Variants in FAM53B observed in about 807,000 individuals in gnomAD.
FAM53B encodes the protein family with sequence similarity 53 member B.
A neutral mutation model predicts 32.7 loss-of-function variants in FAM53B; 12 were observed. The observed-to-expected ratio is 0.37, with a 90% confidence interval of 0.24 to 0.59. FAM53B has a LOEUF of 0.59. Among genes scored for constraint, FAM53B ranks in the 20% least tolerant of loss-of-function variants. FAM53B has a pLI of 0.72. For synonymous variants in FAM53B, 234 were observed against 228.7 expected, an observed-to-expected ratio of 1.02 and a Z score of -0.21; for missense variants, 477 against 577.7, an observed-to-expected ratio of 0.83 and a Z score of 1.79.
intron 1 of FAM53B, among the ~76,000 whole-genome samples, chr10:124,718,421 G>A (rs778090668): frequency 1.3e-5 from 2 of 152,024 alleles, no homozygotes; most frequent in Non-Finnish European, 2.9e-5. Flanking sequence ...CCCCCACATC[G>A]CGCTGCAAGC....
chr10:124,734,820 G>A (rs1379364760), intron 1 of FAM53B, among the ~76,000 whole-genome samples: 1 of 152,212 alleles, frequency 6.6e-6, no homozygotes, highest in Non-Finnish European at 1.5e-5. Context: ...CCAGACTCAT[G>A]AGGCGCGATG....
chr10:124,683,589 G>C (rs1261106009), intron 3 of FAM53B, among the ~76,000 whole-genome samples: 1 of 152,186 alleles, frequency 6.6e-6, no homozygotes, highest in Non-Finnish European at 1.5e-5. Flanking sequence ...TCCTGGACCA[G>C]ATCAGGAGAC....
intron 1 of FAM53B, among the ~76,000 whole-genome samples, chr10:124,734,613 AGGACGCTCTAG>A (rs371472489): frequency 7.2e-5 from 11 of 152,334 alleles, no homozygotes; most frequent in African/African-American, 2.6e-4. Flanking sequence ...TCCTCTGGAA[AGGACGCTCTAG>A]GGCCAGCACC....
intron 4 of FAM53B, among the ~76,000 whole-genome samples, chr10:124,645,238 T>TCTCTCAG (rs1435594770): frequency 1.3e-5 from 2 of 152,252 alleles, no homozygotes; most frequent in Non-Finnish European, 2.9e-5. Flanking sequence ...TAAGACCGCC[T>TCTCTCAG]ATCTGCTCTC....
rs1949917543 is a variant in FAM53B, at chr10:124,702,033, A to C, written c.78+4603T>G. The stretch of plus-strand genomic sequence containing the variant: ...CCACGAGCTCCTCCTCCAGTGCCAC[A>C]TGACACCCAGGGTTGCGAGGACCCT... On this transcript the variant is annotated intron_variant, in intron 2 of 4. Coordinates refer to ENST00000337318, the MANE Select transcript of FAM53B (RefSeq NM_014661.4). Among the ~76,000 whole-genome samples, 5 of 152,170 alleles carry C rather than the reference A, an allele frequency of 3.3e-5. 1 individual carries two copies. In the South Asian group the frequency reaches 1.0e-3, roughly 32 times the overall value.
chr10:124,725,279 C>T (rs1950094607), intron 1 of FAM53B, among the ~76,000 whole-genome samples: 1 of 152,234 alleles, frequency 6.6e-6, no homozygotes, highest in South Asian at 2.1e-4. Flanking sequence ...CGCACCATTT[C>T]CTGGCTCTGC....
intron 1 of FAM53B, among the ~76,000 whole-genome samples, chr10:124,730,472 T>C (rs1462518455): frequency 6.6e-6 from 1 of 152,230 alleles, no homozygotes; most frequent in Non-Finnish European, 1.5e-5. Flanking sequence ...TCTCCATCAC[T>C]TCAGAGTCAA....
chr10:124,680,358 C>T (rs1949762015), intron 4 of FAM53B, among the ~76,000 whole-genome samples: 1 of 152,188 alleles, frequency 6.6e-6, no homozygotes. Flanking sequence ...ACAAAGGTGG[C>T]CAGAAAGTTT....
intron 4 of FAM53B, among the ~76,000 whole-genome samples, chr10:124,653,482 C>T (rs960295569): frequency 6.6e-6 from 1 of 152,230 alleles, no homozygotes; most frequent in South Asian, 2.1e-4. Flanking sequence ...CTCCGTGTTA[C>T]ACTTTCAAGA....
At chr10:124,706,344 A>G (rs764157309) in intron 2 of FAM53B, among the ~76,000 whole-genome samples, 3 of 152,212 alleles carry the variant, frequency 2.0e-5, no homozygotes, top group Admixed American at 1.3e-4. Flanking sequence ...AGGAATGTCA[A>G]TCCTGGCTTG....
chr10:124,677,648 C>T (rs1285194027), intron 4 of FAM53B, among the ~76,000 whole-genome samples: 1 of 152,252 alleles, frequency 6.6e-6, no homozygotes, highest in Non-Finnish European at 1.5e-5. Context: ...CAGCCTCATT[C>T]AGCATCTCTG....
chr10:124,696,697 G>A (rs1185817666), intron 2 of FAM53B, among the ~76,000 whole-genome samples: 1 of 152,120 alleles, frequency 6.6e-6, no homozygotes, highest in Non-Finnish European at 1.5e-5. Context: ...CCGCTCTGGT[G>A]AGAAGCATGG....
chr10:124,719,318 T>A (rs1302259771), intron 1 of FAM53B, among the ~76,000 whole-genome samples: 1 of 152,098 alleles, frequency 6.6e-6, no homozygotes, highest in African/African-American at 2.4e-5. Context: ...GATATGACAA[T>A]CAGGCCTCCT....
chr10:124,715,284 T>C (rs1359432356), intron 1 of FAM53B, among the ~76,000 whole-genome samples: 1 of 152,158 alleles, frequency 6.6e-6, no homozygotes, highest in Non-Finnish European at 1.5e-5. Context: ...GACGAGTATC[T>C]TGGAGAGGGT....
At chr10:124,720,424 G>A (rs555720472) in intron 1 of FAM53B, among the ~76,000 whole-genome samples, 1 of 152,194 alleles carries the variant, frequency 6.6e-6, no homozygotes, top group South Asian at 2.1e-4. Flanking sequence ...TCACACCACT[G>A]CCTCCAGCCT....
intron 1 of FAM53B, among the ~76,000 whole-genome samples, chr10:124,713,227 A>G (rs4962399): frequency 0.11 from 17,327 of 152,216 alleles, 1,121 homozygotes; most frequent in Admixed American, 0.15. Context: ...TAGTATGCAC[A>G]TTTTCCAGAT....
intron 4 of FAM53B, among the ~76,000 whole-genome samples, chr10:124,676,331 G>A (rs1339682342): frequency 6.6e-6 from 1 of 152,190 alleles, no homozygotes; most frequent in Non-Finnish European, 1.5e-5. Context: ...CTTGCCGTCA[G>A]CACAGCTTCC....
At chr10:124,643,422 C>A (rs187893708) in intron 4 of FAM53B, among the ~76,000 whole-genome samples, 8 of 152,338 alleles carry the variant, frequency 5.3e-5, no homozygotes, top group African/African-American at 1.7e-4. Flanking sequence ...GCGGTGATTG[C>A]GCCTGGCTCT....
rs1285379066 is a variant in FAM53B at position 124,621,426 on chromosome 10, C to T, written c.*1816G>A. On this transcript the variant is annotated 3_prime_UTR_variant, in exon 5 of 5. Coordinates refer to ENST00000337318, the MANE Select transcript of FAM53B (RefSeq NM_014661.4). ...TCGGCTGTCCGGGATCACAAGTAGA[C>T]ATGCCTCCGGCAGGAGCTACAGCAA... is the stretch of plus-strand genomic sequence containing the variant. 6.6e-6 allele frequency: 1 copy of T among 152,258 alleles called. No homozygotes were observed. The highest frequency in any genetic ancestry group is 1.9e-4 in the East Asian group (1 of 5,194). 9.4% of individuals were successfully genotyped at this position (152,258 alleles called of 1,614,324 possible).
Sources: gnomAD v4.1 joint callset for allele counts (sites outside exome capture counted in the v4.1 genomes callset) on GRCh38, gnomAD v4.1.1 for gene constraint, MANE v1.5 for transcripts, NCBI Gene and HGNC (gene_info 2026-07-23, HGNC 2026-07-21) for gene names.